The following DEFB110 variants were observed in gnomAD, a reference collection of about 807,000 sequenced individuals.
The protein encoded by DEFB110 is beta-defensin 110.
In DEFB110, 4 loss-of-function variants were observed where a neutral mutation model predicts 2.5. That is an observed-to-expected ratio of 1.60 (90% CI 0.79 to 3.66). DEFB110 has a LOEUF of 3.66. Ranked by LOEUF, DEFB110 falls within the 30% of genes most tolerant of loss-of-function variation. The probability of loss-of-function intolerance (pLI) is 0.01; values close to 1 mark genes in which losing one functional copy is unlikely to be tolerated. For missense variants in DEFB110, 94 were observed against 75.4 expected (o/e 1.25, Z -0.91); for synonymous variants, 29 against 21.8 (o/e 1.33, Z -0.92).
intron 1 of DEFB110, among the ~76,000 whole-genome samples, chr6:50,011,929 A>G (rs954072716): frequency 6.6e-6 from 1 of 152,068 alleles, no homozygotes; most frequent in Non-Finnish European, 1.5e-5. Flanking sequence ...ATTAAGTTTC[A>G]TGACTGGATA....
chr6:50,012,056 G>A (rs1774237010), intron 1 of DEFB110, among the ~76,000 whole-genome samples: 1 of 151,914 alleles, frequency 6.6e-6, no homozygotes, highest in African/African-American at 2.4e-5. Context: ...AAATATGCAG[G>A]TTGCTCTTAT....
chr6:50,016,456 T>A (rs1259570787), downstream of DEFB110, among the ~76,000 whole-genome samples: 7 of 151,882 alleles, frequency 4.6e-5, no homozygotes, highest in Non-Finnish European at 8.8e-5. Context: ...CGAATTAGTT[T>A]AACATTATCT....
chr6:50,011,231 A>G (rs923246648), intron 1 of DEFB110, among the ~76,000 whole-genome samples: 8 of 151,868 alleles, frequency 5.3e-5, no homozygotes, highest in African/African-American at 1.7e-4. Flanking sequence ...AAGGTGTTGA[A>G]TGCTATACAA....
chr6:50,020,797 A>T (rs1774405299), intron 1 of DEFB110, among the ~76,000 whole-genome samples: 1 of 152,214 alleles, frequency 6.6e-6, no homozygotes, highest in Non-Finnish European at 1.5e-5. Context: ...GCATCTAGTT[A>T]ATCTGCACAA....
chr6:50,020,060 C>T (rs764399012), intron 1 of DEFB110, among the ~76,000 whole-genome samples: 4 of 152,044 alleles, frequency 2.6e-5, no homozygotes, highest in Non-Finnish European at 4.4e-5. Context: ...ATTTTCTTAT[C>T]AATCATGAAA....
At chr6:50,009,307 A>G (rs574339706) in intron 1 of DEFB110, 6 of 1,556,358 alleles carry the variant, frequency 3.9e-6, no homozygotes, top group South Asian at 3.7e-5. Context: ...TTATTAGTCT[A>G]TTATTGATTT....
intron 1 of DEFB110, chr6:50,009,282 G>C: frequency 6.3e-7 from 1 of 1,586,168 alleles, no homozygotes; most frequent in South Asian, 1.2e-5. Flanking sequence ...CTGCAATCAA[G>C]AAAAATATCT....
chr6:50,009,640 T>C (rs1774193590), intron 1 of DEFB110, among the ~76,000 whole-genome samples: 1 of 152,152 alleles, frequency 6.6e-6, no homozygotes, highest in South Asian at 2.1e-4. Context: ...CCTTCTATAA[T>C]AGTTATAATT....
chr6:50,011,310 ATTGT>A (rs1774224494), intron 1 of DEFB110, among the ~76,000 whole-genome samples: 1 of 151,988 alleles, frequency 6.6e-6, no homozygotes. Flanking sequence ...ATAAAAACAA[ATTGT>A]TTGGAGGAAA....
chr6:50,017,717 T>A (rs560773622), downstream of DEFB110, among the ~76,000 whole-genome samples: 20 of 151,830 alleles, frequency 1.3e-4, no homozygotes, highest in African/African-American at 3.6e-4. Flanking sequence ...GAAAAAAAAA[T>A]TTCCCCATTC....
chr6:50,018,785 A>G (rs1455560152), downstream of DEFB110: 2 of 1,265,336 alleles, frequency 1.6e-6, no homozygotes, highest in African/African-American at 3.1e-5. Context: ...GTACCAACAA[A>G]TCAGGAGAAA....
At chr6:50,019,422 T>G (rs1453783941) in intron 1 of DEFB110, among the ~76,000 whole-genome samples, 1 of 152,118 alleles carries the variant, frequency 6.6e-6, no homozygotes, top group Non-Finnish European at 1.5e-5. Context: ...TTGGTCAGAC[T>G]CTCTCTCTGC....
At chr6:50,009,781 A>G (rs1237509584) in intron 1 of DEFB110, among the ~76,000 whole-genome samples, 1 of 152,110 alleles carries the variant, frequency 6.6e-6, no homozygotes, top group African/African-American at 2.4e-5. Context: ...ACTCAAAACT[A>G]AAGTACTTTA....
At chr6:50,009,144 G>A (rs758183770) in exon 2 of DEFB110, 25 of 1,608,472 alleles carry the variant, frequency 1.6e-5, no homozygotes, top group Admixed American at 6.8e-5. Context: ...GAGTTTATAC[G>A]CAGCACTGAC....
chr6:50,017,996 G>A (rs1582367802), downstream of DEFB110, among the ~76,000 whole-genome samples: 1 of 151,900 alleles, frequency 6.6e-6, no homozygotes, highest in Non-Finnish European at 1.5e-5. Flanking sequence ...TTATTATGAT[G>A]TTGTGGTATT....
downstream of DEFB110, among the ~76,000 whole-genome samples, chr6:50,015,603 T>C (rs967896282): frequency 1.3e-5 from 2 of 151,858 alleles, no homozygotes; most frequent in Non-Finnish European, 2.9e-5. Context: ...TGTGGGCTAC[T>C]ACACTCTACT....
chr6:50,011,152 A>T (rs372251584), intron 1 of DEFB110, among the ~76,000 whole-genome samples: 3 of 151,388 alleles, frequency 2.0e-5, no homozygotes, highest in East Asian at 3.9e-4. Context: ...ATGAAAATTG[A>T]TACGTATCAA....
chr6:50,014,516 ACAAAATGG>A (rs1774283435), downstream of DEFB110, among the ~76,000 whole-genome samples: 1 of 151,870 alleles, frequency 6.6e-6, no homozygotes, highest in Non-Finnish European at 1.5e-5. Context: ...ATTTTGACTT[ACAAAATGG>A]CAAAGTCATA....
At chr6:50,010,631 A>T (rs987239508) in intron 1 of DEFB110, among the ~76,000 whole-genome samples, 7 of 146,908 alleles carry the variant, frequency 4.8e-5, no homozygotes, top group African/African-American at 1.5e-4. Context: ...GTATATATAT[A>T]TTTTTTTAGT....
Sources: allele counts gnomAD v4.1 joint callset (sites outside exome capture counted in the v4.1 genomes callset), GRCh38; gene constraint gnomAD v4.1.1; transcripts MANE v1.5; gene names NCBI Gene and HGNC (gene_info 2026-07-23, HGNC 2026-07-21).